The following SMAD9 variants were observed in gnomAD, a reference collection of about 807,000 sequenced individuals.
SMAD9 encodes SMAD family member 9, also known as MAD homolog 9.
Under a neutral mutation model 46.1 loss-of-function variants are expected in SMAD9, and 36 were observed. The observed-to-expected ratio is 0.78, with a 90% CI of 0.60 to 1.03. SMAD9 has a LOEUF of 1.03. Ranked by LOEUF, SMAD9 falls within the 50% of genes least tolerant of loss-of-function variation. The pLI, the probability that SMAD9 is intolerant of heterozygous loss-of-function variation, is 0.00. For missense variants in SMAD9, 572 were observed against 599.8 expected (o/e 0.95, Z 0.48); for synonymous variants, 245 against 237.1 (o/e 1.03, Z -0.31).
rs571801132 is a variant in SMAD9 at position 36,853,671 on chromosome 13, C to T, written c.1008G>A (p.Val336=). 2.5e-6 allele frequency: 4 copies of T among 1,614,058 alleles called. No homozygotes were observed. The South Asian group carries it at 4.4e-5, about 18-fold the overall frequency. The change falls in exon 6 of 7, where the codon GTG becomes GTA. Residue 336 remains valine (V), a synonymous_variant. Transcript: ENST00000379826. ...CCTCTCCCCCGACGTAGTACAAGTGCACACCTGCAGACACAAAAACACAGC... is the reference window on the plus strand; with the variant it reads ...CCTCTCCCCCGACGTAGTACAAGTGTACACCTGCAGACACAAAAACACAGC... ...ENTRRHIGKG[V]HLYYVGGEVY...
intron 4 of SMAD9, among the ~76,000 whole-genome samples, chr13:36,866,595 T>C (rs894226318): frequency 6.6e-6 from 1 of 152,168 alleles, no homozygotes; most frequent in Non-Finnish European, 1.5e-5. Context: ...ATGAAACAGA[T>C]AAATTTGGGG....
chr13:36,910,170 G>A (rs750182569), intron 1 of SMAD9, among the ~76,000 whole-genome samples: 13 of 151,052 alleles, frequency 8.6e-5, no homozygotes, highest in African/African-American at 2.2e-4. Context: ...GTACTCCGGC[G>A]TGGGGGACAC....
At chr13:36,886,799 C>T (rs2058448786) in intron 1 of SMAD9, among the ~76,000 whole-genome samples, 1 of 152,168 alleles carries the variant, frequency 6.6e-6, no homozygotes, top group Admixed American at 6.5e-5. Flanking sequence ...CGAGAAAGTG[C>T]GGCCACTCCA....
chr13:36,855,378 A>C (rs2058114621), intron 5 of SMAD9, among the ~76,000 whole-genome samples: 1 of 152,094 alleles, frequency 6.6e-6, no homozygotes, highest in Non-Finnish European at 1.5e-5. Context: ...ATTTAATATA[A>C]ATGTATAGCG....
At chr13:36,900,466 A>C (rs1424969141) in intron 1 of SMAD9, among the ~76,000 whole-genome samples, 1 of 151,908 alleles carries the variant, frequency 6.6e-6, no homozygotes, top group Non-Finnish European at 1.5e-5. Flanking sequence ...TTTTTAGTAG[A>C]GATGGGGTTT....
At chr13:36,908,951 A>T (rs1186927258) in intron 1 of SMAD9, among the ~76,000 whole-genome samples, 1 of 152,212 alleles carries the variant, frequency 6.6e-6, no homozygotes, top group Non-Finnish European at 1.5e-5. Flanking sequence ...ATGGCAATGA[A>T]GTACTATGGT....
upstream of SMAD9, chr13:36,920,371 C>G (rs1446278079): frequency 6.6e-6 from 1 of 150,452 alleles, no homozygotes. Context: ...GGGGGCTGCG[C>G]GGGCCCGGCG....
chr13:36,886,737 C>T (rs1301118833), intron 1 of SMAD9, among the ~76,000 whole-genome samples: 2 of 152,198 alleles, frequency 1.3e-5, no homozygotes, highest in Non-Finnish European at 2.9e-5. Flanking sequence ...CAGGGACCTG[C>T]TTGGACTTCT....
intron 1 of SMAD9, among the ~76,000 whole-genome samples, chr13:36,919,576 T>TGACGACCCCC (rs1231953483): frequency 4.0e-5 from 6 of 151,668 alleles, no homozygotes; most frequent in Admixed American, 6.6e-5. Context: ...AGAGTCACAA[T>TGACGACCCCC]GACGACCCCC....
chr13:36,888,063 T>G (rs1302540337), intron 1 of SMAD9, among the ~76,000 whole-genome samples: 2 of 152,068 alleles, frequency 1.3e-5, no homozygotes, highest in African/African-American at 4.8e-5. Flanking sequence ...CTGAGGAGTT[T>G]CAGAAAAAGG....
rs2058443780 is a variant in SMAD9, at chr13:36,886,268, C to T, written c.-186-6393G>A. ...GCACCATAATCCCGCTCCCAAAGGA[C>T]ATGGGAGGAAAGCCACATGGGTGCG... On this transcript the variant is annotated intron_variant, in intron 1 of 6. Transcript: ENST00000379826. Among the ~76,000 whole-genome samples, 4 of 152,352 alleles carry T rather than the reference C, an allele frequency of 2.6e-5. No individual in the cohort carries two copies. In the South Asian group the frequency reaches 8.3e-4, roughly 32 times the overall value.
chr13:36,906,809 G>A (rs1409296021), intron 1 of SMAD9, among the ~76,000 whole-genome samples: 1 of 152,206 alleles, frequency 6.6e-6, no homozygotes, highest in Non-Finnish European at 1.5e-5. Flanking sequence ...CATTGTTGAT[G>A]AGAATGTAAA....
chr13:36,891,376 A>G (rs1002545345), intron 1 of SMAD9, among the ~76,000 whole-genome samples: 3 of 152,246 alleles, frequency 2.0e-5, no homozygotes, highest in African/African-American at 7.2e-5. Flanking sequence ...CTAAGGAATA[A>G]GAACTCTAAG....
In SMAD9 at chr13:36,867,289, T is replaced by C. The variant is rs1017344447; in HGVS notation, c.765A>G (p.Leu255=). 9.7e-6 allele frequency: 15 copies of C among 1,547,420 alleles called. No homozygotes were observed. The highest frequency in any genetic ancestry group is 3.3e-4 in the Middle Eastern group (2 of 6,012). Residue 255 remains leucine (L), a synonymous_variant, in exon 4 of 7, where the codon CTA becomes CTG. Coordinates refer to ENST00000379826, the MANE Select transcript of SMAD9 (RefSeq NM_001127217.3). ...VDATADRHVV[L]SIPNGDFRPV... is the part of the protein sequence containing the mutation. ...GCAATTTACCTCCATTTGGTATCGA[T>C]AGCACTACATGTCTATCAGCTGTGG...
intron 1 of SMAD9, among the ~76,000 whole-genome samples, chr13:36,880,664 G>T (rs1336939356): frequency 2.0e-5 from 3 of 152,094 alleles, no homozygotes; most frequent in Non-Finnish European, 2.9e-5. Context: ...TTATTTGTGT[G>T]AACTAACTTC....
At chr13:36,901,518 C>A (rs1190083859) in intron 1 of SMAD9, among the ~76,000 whole-genome samples, 1 of 151,818 alleles carries the variant, frequency 6.6e-6, no homozygotes, top group Non-Finnish European at 1.5e-5. Context: ...ACCTCCGCCT[C>A]CCAGGTTCAA....
chr13:36,851,930 A>G (rs2058077939), intron 6 of SMAD9: 1 of 972,442 alleles, frequency 1.0e-6, no homozygotes. Flanking sequence ...TACCTATGAG[A>G]TATTGGCATT....
intron 3 of SMAD9, among the ~76,000 whole-genome samples, chr13:36,869,467 C>T (rs2058267787): frequency 6.6e-6 from 1 of 152,118 alleles, no homozygotes; most frequent in Non-Finnish European, 1.5e-5. Context: ...AGTGATCCGC[C>T]TGCCTAAGCC....
At chr13:36,877,269 G>A (rs563822607) in intron 2 of SMAD9, among the ~76,000 whole-genome samples, 3 of 152,228 alleles carry the variant, frequency 2.0e-5, no homozygotes, top group Admixed American at 6.5e-5. Flanking sequence ...GGCTGAGGCA[G>A]GAGAATCGCT....
Sources: gnomAD v4.1 joint callset for allele counts (sites outside exome capture counted in the v4.1 genomes callset) on GRCh38, gnomAD v4.1.1 for gene constraint, MANE v1.5 for transcripts, NCBI Gene and HGNC (gene_info 2026-07-23, HGNC 2026-07-21) for gene names.